Variants in SGMS1 observed in about 807,000 individuals in gnomAD.
SGMS1 encodes the protein sphingomyelin synthase 1.
In SGMS1, 13 loss-of-function variants were observed where a neutral mutation model predicts 46.2. That is an observed-to-expected ratio of 0.28 (90% CI 0.18 to 0.45). The LOEUF (loss-of-function observed/expected upper bound fraction) is 0.45, where lower values mean the gene tolerates loss of function less well. SGMS1 is among the 20% of genes least tolerant of loss of function. The pLI is 1.00. For synonymous variants in SGMS1, 203 were observed against 187.8 expected, an observed-to-expected ratio of 1.08 and a Z score of -0.66; for missense variants, 324 against 519.9, an observed-to-expected ratio of 0.62 and a Z score of 3.66.
intron 6 of SGMS1, among the ~76,000 whole-genome samples, chr10:50,396,611 T>C (rs1848851100): frequency 6.6e-6 from 1 of 152,164 alleles, no homozygotes; most frequent in African/African-American, 2.4e-5. Flanking sequence ...TCCAAGCCAG[T>C]TTCCCTGTCT....
chr10:50,624,217 G>T, upstream of SGMS1: 1 of 696,186 alleles, frequency 1.4e-6, no homozygotes. Flanking sequence ...AAGGCCTAGC[G>T]GGAGCCAGAT....
In SGMS1 at chr10:50,501,324, C is replaced by T. The variant is rs548216924; in HGVS notation, c.-498+18507G>A. Among the ~76,000 whole-genome samples the T allele has an allele frequency of 1.1e-4, 17 of 152,172 alleles. No homozygotes were observed. In the South Asian group the frequency reaches 2.1e-3, roughly 19 times the overall value. On this transcript the variant is annotated intron_variant, in intron 3 of 10. Coordinates refer to ENST00000361781, the MANE Select transcript of SGMS1 (RefSeq NM_147156.4). ...TCCACAAACTCTATCATCCTAACAG[C>T]GAATGAAAGGGGTTCACAATTATCT...
intron 3 of SGMS1, among the ~76,000 whole-genome samples, chr10:50,487,855 G>A (rs1273739808): frequency 6.6e-6 from 1 of 151,546 alleles, no homozygotes; most frequent in East Asian, 1.9e-4. Flanking sequence ...AACATAATTG[G>A]GTTTTATCCA....
chr10:50,379,145 T>C (rs1317970966), intron 6 of SGMS1, among the ~76,000 whole-genome samples: 2 of 152,210 alleles, frequency 1.3e-5, no homozygotes, highest in African/African-American at 4.8e-5. Context: ...TACCAAAATG[T>C]ATAATATACT....
intron 8 of SGMS1, among the ~76,000 whole-genome samples, chr10:50,326,221 T>C (rs987687960): frequency 2.6e-5 from 4 of 152,040 alleles, no homozygotes; most frequent in Non-Finnish European, 5.9e-5. Context: ...GCTATCTCTG[T>C]AGGCACATAT....
chr10:50,530,943 G>T (rs534271747), intron 2 of SGMS1, among the ~76,000 whole-genome samples: 54 of 152,112 alleles, frequency 3.6e-4, no homozygotes, highest in Non-Finnish European at 7.2e-4. Context: ...CTTATTTCAA[G>T]TTAAAAAGTA....
intron 6 of SGMS1, among the ~76,000 whole-genome samples, chr10:50,390,226 T>A (rs955754749): frequency 1.3e-5 from 2 of 152,234 alleles, no homozygotes. Context: ...GCATAAATCA[T>A]GTTTTAGGAA....
At chr10:50,407,949 T>A (rs763840980) in intron 6 of SGMS1, among the ~76,000 whole-genome samples, 1 of 152,144 alleles carries the variant, frequency 6.6e-6, no homozygotes, top group Non-Finnish European at 1.5e-5. Flanking sequence ...TATCAAAAAA[T>A]TCATTTAAAA....
intron 6 of SGMS1, among the ~76,000 whole-genome samples, chr10:50,360,191 A>C (rs997662345): frequency 6.6e-6 from 1 of 152,214 alleles, no homozygotes; most frequent in African/African-American, 2.4e-5. Flanking sequence ...CAAATTCTTC[A>C]TATTCCCAAG....
At chr10:50,344,730 G>T (rs140177719) in intron 6 of SGMS1, among the ~76,000 whole-genome samples, 4,232 of 152,178 alleles carry the variant, frequency 0.028, 205 homozygotes, top group African/African-American at 0.097. Flanking sequence ...TTAGCCGGGT[G>T]TGGTGGCGGG....
At chr10:50,521,663 C>T (rs567640915) in intron 2 of SGMS1, among the ~76,000 whole-genome samples, 9 of 152,204 alleles carry the variant, frequency 5.9e-5, no homozygotes, top group East Asian at 1.9e-4. Context: ...AGCCTCTCCC[C>T]CTTTTTATAT....
intron 7 of SGMS1, among the ~76,000 whole-genome samples, chr10:50,328,551 T>C (rs1259338240): frequency 6.6e-6 from 1 of 152,218 alleles, no homozygotes; most frequent in Non-Finnish European, 1.5e-5. Context: ...AAATTAATTT[T>C]AAAAAACCAT....
chr10:50,429,888 C>T (rs1267123431), intron 6 of SGMS1, among the ~76,000 whole-genome samples: 1 of 152,086 alleles, frequency 6.6e-6, no homozygotes, highest in Non-Finnish European at 1.5e-5. Context: ...ACAATTGAAG[C>T]TATTCAGGGT....
chr10:50,337,354 A>T (rs1228148431), intron 7 of SGMS1, among the ~76,000 whole-genome samples: 1 of 152,200 alleles, frequency 6.6e-6, no homozygotes, highest in Non-Finnish European at 1.5e-5. Context: ...ATGGTCCCAC[A>T]GTATATGGCT....
At position 50,623,781 on chromosome 10, in the gene SGMS1, C is replaced by T; in HGVS notation, c.-758G>A. 24 of 985,528 alleles carry T rather than the reference C, an allele frequency of 2.4e-5. No individual in the cohort carries two copies. The highest frequency in any genetic ancestry group is 2.9e-5 in the Non-Finnish European group (24 of 830,020). 61.0% of individuals were successfully genotyped at this position (985,528 alleles called of 1,614,324 possible). A position where few individuals can be genotyped will look rare whatever the true frequency, so the allele number is the denominator to read the frequency against. On this transcript the variant is annotated 5_prime_UTR_variant, in exon 1 of 11. Coordinates refer to ENST00000361781, the MANE Select transcript of SGMS1 (RefSeq NM_147156.4). ...CCGCGGAATGAAATCCGGGGCAGGG[C>T]AGCGTCGGGGCTCCGCACCCCAATC... is the stretch of plus-strand genomic sequence containing the variant.
intron 3 of SGMS1, among the ~76,000 whole-genome samples, chr10:50,481,967 G>A (rs1226334540): frequency 6.6e-6 from 1 of 152,076 alleles, no homozygotes; most frequent in Non-Finnish European, 1.5e-5. Context: ...AGGCAGACAA[G>A]ATTAGAGAAG....
chr10:50,619,933 T>C (rs186877780), intron 1 of SGMS1, among the ~76,000 whole-genome samples: 100 of 149,284 alleles, frequency 6.7e-4, no homozygotes, highest in African/African-American at 2.6e-3. Context: ...TCTCTTTCTC[T>C]GTGTCTTTCT....
At chr10:50,574,885 C>T (rs1400069893) in intron 2 of SGMS1, among the ~76,000 whole-genome samples, 2 of 149,426 alleles carry the variant, frequency 1.3e-5, no homozygotes, top group South Asian at 4.2e-4. Context: ...GTATTGAAAT[C>T]TCACTATGTA....
intron 6 of SGMS1, among the ~76,000 whole-genome samples, chr10:50,408,431 TAAAAAAAAAAAA>T (rs71029307): frequency 1.9e-3 from 184 of 95,222 alleles, no homozygotes; most frequent in African/African-American, 6.0e-3. Context: ...CCTCATCTCT[TAAAAAAAAAAAA>T]AAAAAAAAAA....
Sources: gnomAD v4.1 joint callset for allele counts (sites outside exome capture counted in the v4.1 genomes callset) on GRCh38, gnomAD v4.1.1 for gene constraint, MANE v1.5 for transcripts, NCBI Gene and HGNC (gene_info 2026-07-23, HGNC 2026-07-21) for gene names.